Variants in DMXL1 observed in about 807,000 individuals in gnomAD.
DMXL1 encodes the protein dmX-like protein 1.
Under a neutral mutation model 319.2 loss-of-function variants are expected in DMXL1, and 99 were observed. The observed-to-expected ratio is 0.31, with a 90% CI of 0.26 to 0.37. The LOEUF (loss-of-function observed/expected upper bound fraction) is 0.37, where lower values mean the gene tolerates loss of function less well. DMXL1 is among the 10% of genes least tolerant of loss of function. The pLI, the probability that DMXL1 is intolerant of heterozygous loss-of-function variation, is 1.00. For missense variants in DMXL1, 3,745 were observed against 3,595.6 expected (o/e 1.04, Z -1.06); for synonymous variants, 1,385 against 1,235.2 (o/e 1.12, Z -2.54).
chr5:119,127,933 T>A, intron 9 of DMXL1: 1 of 374,518 alleles, frequency 2.7e-6, no homozygotes, highest in Non-Finnish European at 5.4e-6. Flanking sequence ...ATAAACTTAG[T>A]ATCAAATGGT....
At chr5:119,148,697 A>G in intron 17 of DMXL1, 42 bp from the exon 18 acceptor site, 1 of 1,564,016 alleles carries the variant, frequency 6.4e-7, no homozygotes, top group Non-Finnish European at 8.7e-7. Flanking sequence ...AGAAGTATTT[A>G]ACCAAATTTG....
chr5:119,228,844 A>G (rs765152117), intron 38 of DMXL1, among the ~76,000 whole-genome samples: 62 of 152,326 alleles, frequency 4.1e-4, no homozygotes, highest in Middle Eastern at 6.8e-3. Context: ...TCAAAGGCAA[A>G]TACAGAAAGT....
At chr5:119,212,223 C>T (rs977759866) in intron 34 of DMXL1, among the ~76,000 whole-genome samples, 2 of 152,156 alleles carry the variant, frequency 1.3e-5, no homozygotes, top group Non-Finnish European at 2.9e-5. Flanking sequence ...TCCTCTGGCG[C>T]CCACTCCAGG....
chr5:119,157,582 CT>C (rs1561751541), intron 19 of DMXL1, among the ~76,000 whole-genome samples: 1 of 152,148 alleles, frequency 6.6e-6, no homozygotes, highest in Non-Finnish European at 1.5e-5. Context: ...AGAAACTATC[CT>C]TTCCCATTGT....
At chr5:119,205,655 T>C (rs1781613842) in intron 33 of DMXL1, among the ~76,000 whole-genome samples, 1 of 152,126 alleles carries the variant, frequency 6.6e-6, no homozygotes, top group African/African-American at 2.4e-5. Flanking sequence ...TATTGCTTTG[T>C]TGTTTTATTC....
At chr5:119,078,441 G>A (rs896313144) in intron 1 of DMXL1, among the ~76,000 whole-genome samples, 1 of 152,058 alleles carries the variant, frequency 6.6e-6, no homozygotes, top group African/African-American at 2.4e-5. Context: ...GCACATATTT[G>A]TGAGATATTT....
At chr5:119,136,402 A>G (rs1286821176) in intron 13 of DMXL1, among the ~76,000 whole-genome samples, 2 of 152,252 alleles carry the variant, frequency 1.3e-5, no homozygotes, top group African/African-American at 2.4e-5. Flanking sequence ...ATGCAGCCTG[A>G]CCATGTGGTA....
chr5:119,167,939 G>A (rs778827071), intron 23 of DMXL1, 75 bp downstream of exon 23: 136 of 1,398,286 alleles, frequency 9.7e-5, no homozygotes, highest in Non-Finnish European at 1.2e-4. Flanking sequence ...CACTCTATTA[G>A]GTGGTAAGGG....
Position 119,129,194 on chromosome 5 carries a change from T to G in DMXL1, c.1103-17T>G, listed in dbSNP as rs772022774. The stretch of plus-strand genomic sequence containing the variant: ...AGAAGGTAAAAATTTTAATTTTATC[T>G]TTTTTTTCTCTTATAGACATTCCAC... On this transcript the variant is annotated splice_polypyrimidine_tract_variant and intron_variant, in intron 9 of 43. Transcript: ENST00000539542. 4.7e-6 allele frequency: 7 copies of G among 1,491,660 alleles called. No individual in the cohort carries two copies. The African/African-American group carries it at 8.5e-5, about 18-fold the overall frequency. 92.4% of individuals were successfully genotyped at this position (1,491,660 alleles called of 1,614,324 possible).
intron 28 of DMXL1, among the ~76,000 whole-genome samples, chr5:119,183,237 T>A (rs986754503): frequency 6.6e-6 from 1 of 152,212 alleles, no homozygotes; most frequent in Non-Finnish European, 1.5e-5. Flanking sequence ...AAAACAAAAG[T>A]TCTGTATTCA....
intron 1 of DMXL1, among the ~76,000 whole-genome samples, chr5:119,091,649 T>C (rs1294195362): frequency 3.3e-5 from 5 of 152,190 alleles, no homozygotes; most frequent in Non-Finnish European, 7.3e-5. Flanking sequence ...CTTTTTAGGC[T>C]CCAGGTGTTG....
chr5:119,221,015 C>T lies in DMXL1; in HGVS notation c.8211C>T (p.Ser2737=), dbSNP rs758151043. 1.9e-6 allele frequency: 3 copies of T among 1,613,846 alleles called. No homozygotes were observed. The highest frequency in any genetic ancestry group is 2.5e-6 in the Non-Finnish European group (3 of 1,179,826). The change falls in exon 37 of 44, where the codon AGC becomes AGT. Residue 2737 remains serine, a synonymous_variant. Coordinates refer to ENST00000539542, the MANE Select transcript of DMXL1 (RefSeq NM_001290321.3). ...AAGGTACAACTCCATATACACATAG[C>T]AATCCTGGCACTCCAATCAACATGC... ...AVQGTTPYTH[S]NPGTPINMPW... is the part of the protein sequence containing the mutation.
intron 38 of DMXL1, among the ~76,000 whole-genome samples, chr5:119,225,988 T>TG (rs1393595940): frequency 6.6e-6 from 1 of 152,170 alleles, no homozygotes; most frequent in African/African-American, 2.4e-5. Context: ...TGCAGTCTGG[T>TG]TGGAAGTTTT....
At chr5:119,081,761 T>C in intron 1 of DMXL1, 1 of 979,418 alleles carries the variant, frequency 1.0e-6, no homozygotes, top group Non-Finnish European at 1.2e-6. Flanking sequence ...CATGGAGAAT[T>C]TTGTTCTTAC....
intron 28 of DMXL1, among the ~76,000 whole-genome samples, chr5:119,187,743 A>G (rs1392824884): frequency 6.6e-6 from 1 of 151,592 alleles, no homozygotes; most frequent in Admixed American, 6.6e-5. Context: ...GCTCACTGCA[A>G]CCTCCCCCTC....
chr5:119,094,203 C>T (rs114794930), intron 1 of DMXL1, among the ~76,000 whole-genome samples: 1 of 152,310 alleles, frequency 6.6e-6, no homozygotes, highest in African/African-American at 2.4e-5. Context: ...GAGGTCAATG[C>T]CTGGCTTCAA....
At chr5:119,170,081 G>C in intron 23 of DMXL1, 109 bp from the exon 24 acceptor site, 1 of 1,169,162 alleles carries the variant, frequency 8.6e-7, no homozygotes, top group Non-Finnish European at 1.2e-6. Flanking sequence ...GTAAAATTTT[G>C]TCAAAAGACT....
At chr5:119,151,317 A>G (rs976292944) in intron 18 of DMXL1, among the ~76,000 whole-genome samples, 2 of 152,180 alleles carry the variant, frequency 1.3e-5, no homozygotes, top group Admixed American at 6.5e-5. Context: ...CTTGTAGACC[A>G]TATATACGTC....
At chr5:119,217,078 C>G (rs762129288) in intron 35 of DMXL1, 91 bp downstream of exon 35, 31 of 709,838 alleles carry the variant, frequency 4.4e-5, no homozygotes, top group Non-Finnish European at 5.8e-5. Context: ...ATTTCTTTCC[C>G]AAAGCTGCTT....
Sources: gnomAD v4.1 joint callset for allele counts (sites outside exome capture counted in the v4.1 genomes callset) on GRCh38, gnomAD v4.1.1 for gene constraint, MANE v1.5 for transcripts, NCBI Gene and HGNC (gene_info 2026-07-23, HGNC 2026-07-21) for gene names.